The following CCNH variants were observed in gnomAD, a reference collection of about 807,000 sequenced individuals.
CCNH encodes the protein cyclin-H.
CCNH carries 31 observed loss-of-function variants against 41.9 expected under a neutral mutation model. That is an observed-to-expected ratio of 0.74 (90% CI 0.56 to 1.00). CCNH has a LOEUF of 1.00. Among genes scored for constraint, CCNH ranks in the 50% least tolerant of loss-of-function variants. The pLI is 0.00. For synonymous variants in CCNH, 138 were observed against 136.1 expected (o/e 1.01, Z -0.10); for missense variants, 362 against 388.4 (o/e 0.93, Z 0.57).
chr5:87,408,152 C>T lies in CCNH; in HGVS notation c.349G>A (p.Glu117Lys). The T allele has an allele frequency of 6.7e-7, 1 of 1,492,344 alleles. No individual in the cohort carries two copies. The highest frequency in any genetic ancestry group is 1.4e-5 in the African/African-American group (1 of 70,714). 92.4% of individuals were successfully genotyped at this position (1,492,344 alleles called of 1,614,324 possible). ...AACTGAGGACTAGATACATTGAATTCATCTACTTTGCAGGCCAAAAATGCA... is the reference window on the plus strand; with the variant it reads ...AACTGAGGACTAGATACATTGAATTTATCTACTTTGCAGGCCAAAAATGCA... ...TCAFLACKVD[E>K]FNVSSPQFVG... is the part of the protein sequence containing the mutation. Residue 117 changes from glutamate (E) to lysine (K), a missense_variant, in exon 4 of 9, where the codon GAA becomes AAA. Glu to Lys is a moderately conservative substitution (Grantham distance 56). Coordinates refer to ENST00000256897, the MANE Select transcript of CCNH (RefSeq NM_001239.4).
intron 4 of CCNH, among the ~76,000 whole-genome samples, chr5:87,406,279 CAA>C (rs1338818623): frequency 6.6e-6 from 1 of 152,080 alleles, no homozygotes; most frequent in East Asian, 1.9e-4. Context: ...CATCTTACTC[CAA>C]AGAGACTATT....
downstream of CCNH, among the ~76,000 whole-genome samples, chr5:87,314,236 T>C (rs1273699573): frequency 1.3e-5 from 2 of 152,104 alleles, no homozygotes; most frequent in Non-Finnish European, 2.9e-5. Flanking sequence ...GTTTAAGAAA[T>C]GACAGGTAGT....
the CCNH span, among the ~76,000 whole-genome samples, chr5:87,311,632 G>A: frequency 6.6e-6 from 1 of 152,196 alleles, no homozygotes; most frequent in Non-Finnish European, 1.5e-5. Flanking sequence ...GCCGCTCACA[G>A]CAGCAGTATG....
intron 7 of CCNH, among the ~76,000 whole-genome samples, chr5:87,397,537 TCTTCA>T (rs1476358230): frequency 6.6e-5 from 10 of 152,226 alleles, no homozygotes; most frequent in Non-Finnish European, 1.5e-4. Context: ...TATGTTTTTG[TCTTCA>T]CTTTTCTAGT....
At chr5:87,367,299 AAATG>A (rs1305831247) in intron 9 of CCNH, among the ~76,000 whole-genome samples, 1 of 152,230 alleles carries the variant, frequency 6.6e-6, no homozygotes, top group African/African-American at 2.4e-5. Flanking sequence ...GGGAAATTAT[AAATG>A]AATGTTAATA....
downstream of CCNH, among the ~76,000 whole-genome samples, chr5:87,373,417 C>G (rs956208253): frequency 6.6e-6 from 1 of 152,038 alleles, no homozygotes; most frequent in Non-Finnish European, 1.5e-5. Context: ...TCTTGGGCTT[C>G]GTTAGCTGCC....
intron 1 of CCNH, 161 bp downstream of exon 1, chr5:87,412,517 G>A: frequency 7.0e-7 from 1 of 1,437,686 alleles, no homozygotes; most frequent in Middle Eastern, 2.6e-4. Context: ...TTGTACCCAC[G>A]GAACCTGGCA....
At chr5:87,374,826 C>T (rs749192205), downstream of CCNH, 19 of 1,607,672 alleles carry the variant, frequency 1.2e-5, no homozygotes, top group East Asian at 2.2e-5. Context: ...TTCTTTTTCT[C>T]CTTGCTCCTT....
downstream of CCNH, chr5:87,374,020 T>A (rs1465293731): frequency 1.6e-6 from 1 of 636,888 alleles, no homozygotes; most frequent in African/African-American, 1.9e-5. Flanking sequence ...TACAAATATA[T>A]AACCAAAGCT....
At chr5:87,317,474 T>C (rs1279917232), downstream of CCNH, among the ~76,000 whole-genome samples, 1 of 152,212 alleles carries the variant, frequency 6.6e-6, no homozygotes, top group African/African-American at 2.4e-5. Context: ...AGATATTTCA[T>C]CTTAAAATAA....
chr5:87,396,548 C>T (rs1232383853), intron 7 of CCNH, among the ~76,000 whole-genome samples: 1 of 152,108 alleles, frequency 6.6e-6, no homozygotes, highest in Admixed American at 6.5e-5. Flanking sequence ...CTGCTTGAAC[C>T]CGGGAGGCAG....
chr5:87,394,376 T>C lies in CCNH; in HGVS notation c.*70A>G. On this transcript the variant is annotated 3_prime_UTR_variant, in exon 9 of 9. Coordinates refer to ENST00000256897, the MANE Select transcript of CCNH (RefSeq NM_001239.4). ...ATGTTTTCACATTATACTTTTTAAA[T>C]AAAGTTAAACGTTTGATATGCTTCC... is the stretch of plus-strand genomic sequence containing the variant. 1 of 1,560,632 alleles carries C rather than the reference T, an allele frequency of 6.4e-7. No homozygotes were observed. The highest frequency in any genetic ancestry group is 8.7e-7 in the Non-Finnish European group (1 of 1,154,300).
chr5:87,393,231 GGTGT>G (rs1319019130), downstream of CCNH, among the ~76,000 whole-genome samples: 1 of 152,120 alleles, frequency 6.6e-6, no homozygotes, highest in African/African-American at 2.4e-5. Context: ...AGACTGAGGA[GGTGT>G]GTGTATTTGT....
downstream of CCNH, among the ~76,000 whole-genome samples, chr5:87,374,480 T>A (rs970472003): frequency 2.0e-5 from 3 of 149,066 alleles, no homozygotes; most frequent in Non-Finnish European, 4.5e-5. Context: ...TTTTTTCTGT[T>A]GTTTGTTCAC....
intron 9 of CCNH, chr5:87,383,896 C>G (rs922423909): frequency 1.1e-6 from 1 of 913,846 alleles, no homozygotes; most frequent in African/African-American, 1.7e-5. Flanking sequence ...CTAGTCATGG[C>G]ATATATGAAG....
At chr5:87,386,027 T>C (rs1057426952) in intron 9 of CCNH, among the ~76,000 whole-genome samples, 1 of 152,074 alleles carries the variant, frequency 6.6e-6, no homozygotes, top group Non-Finnish European at 1.5e-5. Context: ...GCTTTTGCTA[T>C]GTGTTACAAG....
chr5:87,371,401 AAAGC>A (rs1444951013), downstream of CCNH, among the ~76,000 whole-genome samples: 9 of 152,248 alleles, frequency 5.9e-5, no homozygotes, highest in East Asian at 1.7e-3. Flanking sequence ...ATAATTGAAT[AAAGC>A]AATAGTACAC....
At chr5:87,392,082 C>A, downstream of CCNH, 2 of 329,822 alleles carry the variant, frequency 6.1e-6, no homozygotes, top group Admixed American at 4.3e-5. Flanking sequence ...TTTATAAATG[C>A]AATAATTCCT....
chr5:87,403,930 G>A (rs999589299), intron 5 of CCNH, among the ~76,000 whole-genome samples: 1 of 152,184 alleles, frequency 6.6e-6, no homozygotes, highest in Non-Finnish European at 1.5e-5. Flanking sequence ...GTAGTACATA[G>A]AAGGTATCTA....
Sources: gnomAD v4.1 joint callset for allele counts (sites outside exome capture counted in the v4.1 genomes callset) on GRCh38, gnomAD v4.1.1 for gene constraint, MANE v1.5 for transcripts, NCBI Gene and HGNC (gene_info 2026-07-23, HGNC 2026-07-21) for gene names.